SLITRK3: variants seen among roughly 807,000 people sequenced by gnomAD.
SLITRK3 encodes SLIT and NTRK like family member 3.
SLITRK3 carries 16 observed loss-of-function variants against 63.6 expected under a neutral mutation model. That is an observed-to-expected ratio of 0.25 (90% CI 0.17 to 0.38). The LOEUF (loss-of-function observed/expected upper bound fraction) is 0.38. Ranked by LOEUF, SLITRK3 falls within the 10% of genes least tolerant of loss-of-function variation. The pLI is 1.00. For missense variants in SLITRK3, 1,117 were observed against 1,181.4 expected, an observed-to-expected ratio of 0.95 and a Z score of 0.80; for synonymous variants, 547 against 451.6, an observed-to-expected ratio of 1.21 and a Z score of -2.68.
In SLITRK3 at chr3:165,188,270, C is replaced by G; in HGVS notation, c.2561G>C (p.Gly854Ala). Residue 854 changes from glycine to alanine, a missense_variant, in exon 2 of 2, where the codon GGG becomes GCG. This residue lies in a region of SLITRK3 where 499 missense variants were observed against 463.6 expected (regional missense o/e 1.08). Coordinates refer to ENST00000475390, the MANE Select transcript of SLITRK3 (RefSeq NM_001318810.2). Reference protein sequence around the residue: ...GGVSGVVGGTGGDLAGFRHHE... With the variant: ...GGVSGVVGGTAGDLAGFRHHE... Reference sequence around the variant, plus strand: ...GTGGCGGAACCCTGCCAAGTCTCCCCCAGTTCCCCCAACTACTCCTGAAAC... The same window carrying G: ...GTGGCGGAACCCTGCCAAGTCTCCCGCAGTTCCCCCAACTACTCCTGAAAC... 1.2e-6 allele frequency: 2 copies of G among 1,613,778 alleles called. No homozygotes were observed. Among genetic ancestry groups the G allele is most frequent in the Non-Finnish European group, 1.7e-6 (2 of 1,179,866 alleles).
In SLITRK3 at chr3:165,188,776, C is replaced by A. The variant is rs1192750202; in HGVS notation, c.2055G>T (p.Lys685Asn). The A allele has an allele frequency of 6.2e-7, 1 of 1,614,210 alleles. No individual in the cohort carries two copies. Among genetic ancestry groups the A allele is most frequent in the Non-Finnish European group, 8.5e-7 (1 of 1,180,046 alleles). ...CCTGCCGCTTGCTTCTGAAGGGCAG[C>A]TTCTTTCGACGCCTTCGGAGCACGT... ...FAYVLRRRRK[K>N]LPFRSKRQEG... Residue 685 changes from lysine (K) to asparagine (N), a missense_variant, in exon 2 of 2, where the codon AAG (lysine) becomes AAT (asparagine). By Grantham distance (94) the Lys-to-Asn change is moderately conservative. Transcript: ENST00000475390.
At position 165,191,014 on chromosome 3, in the gene SLITRK3, C is replaced by T. The variant is rs899086645; in HGVS notation, c.-21-163G>A. ...ACATACTTAATGTTTAGAGTGTGTC[C>T]TATATTTTAAACTTAGGAGACTCTG... On this transcript the variant is annotated intron_variant, in intron 1 of 1. Transcript: ENST00000475390. 1.5e-4 allele frequency among the ~76,000 whole-genome samples: 23 copies of T among 152,270 alleles called. 1 individual carries two copies. The highest frequency in any genetic ancestry group is 5.5e-4 in the African/African-American group (23 of 41,542).
chr3:165,193,106 AGT>A (rs35240347), intron 1 of SLITRK3, among the ~76,000 whole-genome samples: 60,062 of 142,984 alleles, frequency 0.42, 13,408 homozygotes, highest in Middle Eastern at 0.54. Context: ...CAGTTGAGTG[AGT>A]GTGTGTGTGT....
At chr3:165,191,639 C>G (rs1025307822) in intron 1 of SLITRK3, among the ~76,000 whole-genome samples, 1 of 152,140 alleles carries the variant, frequency 6.6e-6, no homozygotes, top group African/African-American at 2.4e-5. Context: ...CATGCCCGTG[C>G]AATTGTCAGA....
chr3:165,189,434 T>C lies in SLITRK3; in HGVS notation c.1397A>G (p.Asn466Ser). ...PNLKSLFLNG[N>S]DIEKLTPGMF... Reference sequence around the variant, plus strand: ...GCCTGGTGTCAGCTTCTCTATATCGTTGCCATTAAGGAAGAGGCTCTTTAA... The same window carrying C: ...GCCTGGTGTCAGCTTCTCTATATCGCTGCCATTAAGGAAGAGGCTCTTTAA... The change falls in exon 2 of 2, where the codon AAC (asparagine) becomes AGC (serine). Residue 466 changes from asparagine to serine, a missense_variant. Asn to Ser is a conservative substitution (Grantham distance 46). This residue lies in a region of SLITRK3 where 158 missense variants were observed against 197.2 expected (regional missense o/e 0.80). Coordinates refer to ENST00000475390, the MANE Select transcript of SLITRK3 (RefSeq NM_001318810.2). This position sits in a 1 kb window ranked among gnomAD's most constrained non-coding sequence, Gnocchi z 4.0. 1 of 1,613,254 alleles carries C rather than the reference T, an allele frequency of 6.2e-7. No homozygotes were observed. Among genetic ancestry groups the C allele is most frequent in the Non-Finnish European group, 8.5e-7 (1 of 1,180,012 alleles).
chr3:165,188,182 C>T lies in SLITRK3; in HGVS notation c.2649G>A (p.Met883Ile), dbSNP rs777468309. Residue 883 changes from methionine to isoleucine, a missense_variant, in exon 2 of 2, where the codon ATG (methionine) becomes ATA (isoleucine). Coordinates refer to ENST00000475390, the MANE Select transcript of SLITRK3 (RefSeq NM_001318810.2). The part of the protein sequence containing the change: ...PPGGGCGSGS[M>I]LLDRERPQPA... ...GCTGTGGCCTCTCTCGATCTAGTAG[C>T]ATACTGCCACTACCACAGCCTCCCC... 1.9e-6 allele frequency: 3 copies of T among 1,613,678 alleles called. No individual in the cohort carries two copies. The highest frequency in any genetic ancestry group is 1.7e-5 in the Admixed American group (1 of 59,956).
Position 165,189,966 on chromosome 3 carries a change from C to G in SLITRK3, c.865G>C (p.Val289Leu), listed in dbSNP as rs1433986843. The change falls in exon 2 of 2, where the codon GTA becomes CTA. Residue 289 changes from valine to leucine, a missense_variant. Val to Leu is a conservative substitution (Grantham distance 32). Around this residue, in one of 4 missense-constraint regions of SLITRK3, gnomAD observed 452 missense variants for 495.3 expected, o/e 0.91. Transcript: ENST00000475390. This position sits in a 1 kb window ranked among gnomAD's most constrained non-coding sequence, Gnocchi z 4.0. ...ELCPLLSDSE[V>L]EASLGIPHSS... is the part of the protein sequence containing the mutation. ...TGTGGAATTCCCAAACTAGCCTCTA[C>G]CTCAGAGTCAGACAACAAGGGACAG... 2.5e-6 allele frequency: 4 copies of G among 1,614,040 alleles called. No individual in the cohort carries two copies. In the African/African-American group the frequency reaches 4.0e-5, roughly 16 times the overall value.
chr3:165,188,626 G>T lies in SLITRK3; in HGVS notation c.2205C>A (p.Pro735=), dbSNP rs372406969. 65 of 1,613,658 alleles carry T rather than the reference G, an allele frequency of 4.0e-5. No homozygotes were observed. Among genetic ancestry groups the T allele is most frequent in the Non-Finnish European group, 5.3e-5 (63 of 1,179,874 alleles). ...GGATGTACTCATACACATGACCCAC[G>T]GGAGGGGCCTTCTCTGGAGAGGAAA... ...PTLSSPEKAP[P]VGHVYEYIPH... The change falls in exon 2 of 2, where the codon CCC becomes CCA. Residue 735 remains proline, a synonymous_variant. Coordinates refer to ENST00000475390, the MANE Select transcript of SLITRK3 (RefSeq NM_001318810.2).
At chr3:165,191,989 T>C (rs1328359211) in intron 1 of SLITRK3, among the ~76,000 whole-genome samples, 2 of 152,252 alleles carry the variant, frequency 1.3e-5, no homozygotes, top group Non-Finnish European at 1.5e-5. Context: ...CATCAGTATA[T>C]GAAAATGTTT....
At chr3:165,194,874 C>T (rs754160545) in intron 1 of SLITRK3, among the ~76,000 whole-genome samples, 30 of 152,228 alleles carry the variant, frequency 2.0e-4, no homozygotes, top group African/African-American at 6.5e-4. Context: ...CTCAGGATAG[C>T]GCGTCTAAAG....
Position 165,190,343 on chromosome 3 carries a change from C to G in SLITRK3, c.488G>C (p.Arg163Pro). The change falls in exon 2 of 2, where the codon CGT becomes CCT. Residue 163 changes from arginine (R) to proline (P), a missense_variant. Arg to Pro is a moderately radical substitution (Grantham distance 103, BLOSUM62 -2). Transcript: ENST00000475390. ...YLQADYNVIK[R>P]IESGAFRNLS... is the part of the protein sequence containing the mutation. Reference sequence around the variant, plus strand: ...GTTCCGAAATGCCCCACTCTCAATACGTTTAATGACATTGTAATCTGCCTG... The same window carrying G: ...GTTCCGAAATGCCCCACTCTCAATAGGTTTAATGACATTGTAATCTGCCTG... 2 of 1,614,144 alleles carry G rather than the reference C, an allele frequency of 1.2e-6. No homozygotes were observed. The highest frequency in any genetic ancestry group is 1.7e-6 in the Non-Finnish European group (2 of 1,180,026).
chr3:165,193,068 G>A (rs1172711169), intron 1 of SLITRK3, among the ~76,000 whole-genome samples: 1 of 151,988 alleles, frequency 6.6e-6, no homozygotes, highest in African/African-American at 2.4e-5. Context: ...ATGGGTTCGG[G>A]AGCGAGCACT....
rs760788640 is a variant in SLITRK3, at chr3:165,188,594, G to A, written c.2237C>T (p.Pro746Leu). 5 of 1,613,856 alleles carry A rather than the reference G, an allele frequency of 3.1e-6. No individual in the cohort carries two copies. The highest frequency in any genetic ancestry group is 2.2e-5 in the East Asian group (1 of 44,844). The change falls in exon 2 of 2, where the codon CCG becomes CTG. Residue 746 changes from proline to leucine, a missense_variant. By Grantham distance (98) the Pro-to-Leu change is moderately conservative (BLOSUM62 -3). This residue lies in a region of SLITRK3 where 499 missense variants were observed against 463.6 expected (regional missense o/e 1.08). Coordinates refer to ENST00000475390, the MANE Select transcript of SLITRK3 (RefSeq NM_001318810.2). ...VGHVYEYIPH[P>L]VTQMCNNPIY... ...GGGGTTGTTGCACATTTGGGTAACC[G>A]GGTGGGGGATGTACTCATACACATG... is the stretch of plus-strand genomic sequence containing the variant.
intron 1 of SLITRK3, among the ~76,000 whole-genome samples, chr3:165,193,503 G>A (rs1161600950): frequency 8.2e-6 from 1 of 122,220 alleles, no homozygotes; most frequent in East Asian, 2.3e-4. Context: ...AGCTGAATCT[G>A]TCTGATTCTG....
chr3:165,188,485 T>C lies in SLITRK3; in HGVS notation c.2346A>G (p.Thr782=). The change falls in exon 2 of 2, where the codon ACA becomes ACG. Residue 782 remains threonine (T), a synonymous_variant. Coordinates refer to ENST00000475390, the MANE Select transcript of SLITRK3 (RefSeq NM_001318810.2). ...GAGCCTCACCCATTCCCGGTGGTTGTGTCCCTGGACCCCCACGTTCTGCAC... is the reference window on the plus strand; with the variant it reads ...GAGCCTCACCCATTCCCGGTGGTTGCGTCCCTGGACCCCCACGTTCTGCAC... ...AGSAERGGPG[T]QPPGMGEALL... is the part of the protein sequence containing the mutation. 3 of 1,613,956 alleles carry C rather than the reference T, an allele frequency of 1.9e-6. No individual in the cohort carries two copies. Among genetic ancestry groups the C allele is most frequent in the Non-Finnish European group, 2.5e-6 (3 of 1,179,950 alleles).
chr3:165,192,227 G>A (rs558133914), intron 1 of SLITRK3, among the ~76,000 whole-genome samples: 64 of 152,040 alleles, frequency 4.2e-4, no homozygotes, highest in Non-Finnish European at 7.5e-4. Flanking sequence ...CATTACACTC[G>A]CCTATAATGT....
intron 1 of SLITRK3, among the ~76,000 whole-genome samples, chr3:165,194,589 T>C (rs1225427620): frequency 6.6e-6 from 1 of 151,472 alleles, no homozygotes; most frequent in East Asian, 2.0e-4. Context: ...CAATTCCCTC[T>C]CCCTCCCCAG....
At position 165,186,862 on chromosome 3, in the gene SLITRK3, G is replaced by C. The variant is rs2108204969; in HGVS notation, c.*1035C>G. 1 of 152,560 alleles carries C rather than the reference G, an allele frequency of 6.6e-6. No homozygotes were observed. Among genetic ancestry groups the C allele is most frequent in the East Asian group, 1.9e-4 (1 of 5,180 alleles). 9.5% of individuals were successfully genotyped at this position (152,560 alleles called of 1,614,324 possible). ...ACATTTCTTTTGAATCTTTGTGTGT[G>C]AGAGAGAAAACATTAAAAGTGCTTC... On this transcript the variant is annotated 3_prime_UTR_variant, in exon 2 of 2. Transcript: ENST00000475390.
At position 165,192,364 on chromosome 3, in the gene SLITRK3, C is replaced by A. The variant is rs563436135; in HGVS notation, c.-21-1513G>T. Among the ~76,000 whole-genome samples, 4 of 152,248 alleles carry A rather than the reference C, an allele frequency of 2.6e-5. No individual in the cohort carries two copies. The South Asian group carries it at 8.3e-4, about 32-fold the overall frequency. ...GAGAGAAAAGGCTACATTGCAGTAT[C>A]AATTAGTCTTCCATCTCCCTTATGA... On this transcript the variant is annotated intron_variant, in intron 1 of 1. Coordinates refer to ENST00000475390, the MANE Select transcript of SLITRK3 (RefSeq NM_001318810.2).
Sources: allele counts gnomAD v4.1 joint callset (sites outside exome capture counted in the v4.1 genomes callset), GRCh38; gene constraint gnomAD v4.1.1; regional missense constraint gnomAD v4.1.1; non-coding constraint Gnocchi (gnomAD v3.1); transcripts MANE v1.5; gene names NCBI Gene and HGNC (gene_info 2026-07-23, HGNC 2026-07-21).